The following SESN1 variants were observed in gnomAD, a reference collection of about 807,000 sequenced individuals.
The protein encoded by SESN1 is sestrin 1.
A neutral mutation model predicts 59.3 loss-of-function variants in SESN1; 30 were observed. The ratio of observed to expected loss-of-function variants is 0.51; its 90% confidence interval spans 0.38 to 0.69. The LOEUF is 0.69. SESN1 is among the 30% of genes least tolerant of loss of function. The pLI is 0.00. For missense variants in SESN1, 566 were observed against 673.0 expected, an observed-to-expected ratio of 0.84 and a Z score of 1.76; for synonymous variants, 197 against 219.9, an observed-to-expected ratio of 0.90 and a Z score of 0.92.
intron 1 of SESN1, among the ~76,000 whole-genome samples, chr6:109,017,167 C>A (rs1462342258): frequency 6.6e-6 from 1 of 152,078 alleles, no homozygotes; most frequent in Non-Finnish European, 1.5e-5. Flanking sequence ...CTCTTTAAGG[C>A]TCTATTTGGC....
intron 8 of SESN1, among the ~76,000 whole-genome samples, chr6:108,989,783 G>A (rs1779325622): frequency 6.6e-6 from 1 of 152,122 alleles, no homozygotes; most frequent in Admixed American, 6.5e-5. Flanking sequence ...CAAGATGGCT[G>A]CATGCACCAG....
In SESN1 at chr6:109,094,266, C is replaced by G. The variant is rs1781424475; in HGVS notation, c.-193G>C. 1.7e-6 allele frequency: 1 copy of G among 603,418 alleles called. No homozygotes were observed. 37.4% of individuals were successfully genotyped at this position (603,418 alleles called of 1,614,324 possible). ...ACAAGCTAGGTCACCCTCTCACCCT[C>G]TCCTTGTACACGAAAGGGCAGTCTT... On this transcript the variant is annotated 5_prime_UTR_variant, in exon 1 of 10. Coordinates refer to ENST00000436639, the MANE Select transcript of SESN1 (RefSeq NM_014454.3).
intron 1 of SESN1, among the ~76,000 whole-genome samples, chr6:109,087,930 G>A (rs891841946): frequency 1.3e-5 from 2 of 148,650 alleles, no homozygotes; most frequent in Non-Finnish European, 3.0e-5. Flanking sequence ...TCTCCTCATC[G>A]AGAAATTTTC....
chr6:109,023,137 CATCTCTCAATAT>C (rs1470054671), intron 1 of SESN1, among the ~76,000 whole-genome samples: 1 of 152,202 alleles, frequency 6.6e-6, no homozygotes, highest in East Asian at 1.9e-4. Context: ...TGTTCTATAA[CATCTCTCAATAT>C]ATCTTCTCCC....
At chr6:109,093,540 TA>T (rs1212166155) in intron 1 of SESN1, among the ~76,000 whole-genome samples, 1 of 152,148 alleles carries the variant, frequency 6.6e-6, no homozygotes, top group Non-Finnish European at 1.5e-5. Flanking sequence ...CAACAACATG[TA>T]AAAAGAAATA....
chr6:109,093,078 C>T (rs376303554), intron 1 of SESN1, among the ~76,000 whole-genome samples: 7 of 152,050 alleles, frequency 4.6e-5, no homozygotes, highest in African/African-American at 1.7e-4. Context: ...TCTAAGACAC[C>T]TTGTAATAAA....
intron 1 of SESN1, among the ~76,000 whole-genome samples, chr6:109,048,098 A>T (rs996535128): frequency 2.3e-5 from 3 of 132,518 alleles, no homozygotes; most frequent in Admixed American, 7.2e-5. Context: ...CAATAAAAAA[A>T]TAAATTAAAA....
Position 109,006,480 on chromosome 6 carries a change from G to C in SESN1, c.280-4137C>G, listed in dbSNP as rs999130721. Among the ~76,000 whole-genome samples the C allele has an allele frequency of 2.9e-5, 4 of 138,632 alleles. No individual in the cohort carries two copies. The East Asian group carries it at 6.3e-4, about 22-fold the overall frequency. The allele number at this position is 138,632 out of a possible 152,430, so 90.9% of individuals were successfully genotyped here. On this transcript the variant is annotated intron_variant, in intron 1 of 9. Coordinates refer to ENST00000436639, the MANE Select transcript of SESN1 (RefSeq NM_014454.3). ...TACCCCACGACAGGCCCCGGTGTGT[G>C]ATGTTCCCCACCCTGTGTCCAAGGA...
chr6:109,060,928 C>G (rs955061050), intron 1 of SESN1, among the ~76,000 whole-genome samples: 2 of 152,156 alleles, frequency 1.3e-5, no homozygotes, highest in Admixed American at 1.3e-4. Flanking sequence ...TTTCTATTCT[C>G]CCCTCTGAAT....
chr6:109,026,565 C>T (rs938833040), intron 1 of SESN1, among the ~76,000 whole-genome samples: 4 of 152,006 alleles, frequency 2.6e-5, no homozygotes, highest in South Asian at 2.1e-4. Context: ...GGCGCAATCT[C>T]GGCTCACTGC....
At chr6:109,089,202 A>G (rs940659628) in intron 1 of SESN1, among the ~76,000 whole-genome samples, 10 of 152,210 alleles carry the variant, frequency 6.6e-5, no homozygotes, top group Admixed American at 2.0e-4. Flanking sequence ...GAAATTGCAT[A>G]TGCACCACAG....
At chr6:108,993,779 A>G (rs1217256378) in intron 6 of SESN1, among the ~76,000 whole-genome samples, 3 of 152,066 alleles carry the variant, frequency 2.0e-5, no homozygotes, top group East Asian at 3.9e-4. Context: ...GAGTCTTGCT[A>G]TGTTGCCCCA....
intron 1 of SESN1, among the ~76,000 whole-genome samples, chr6:109,064,452 A>G (rs938322290): frequency 6.6e-6 from 1 of 150,594 alleles, no homozygotes; most frequent in Non-Finnish European, 1.5e-5. Flanking sequence ...ATAGAAAATG[A>G]TTTAGGACAG....
rs530625235 is a variant in SESN1, at chr6:108,991,755, G to A, written c.1234-920C>T. Among the ~76,000 whole-genome samples the A allele has an allele frequency of 2.0e-5, 3 of 152,138 alleles. No individual in the cohort carries two copies. The South Asian group carries it at 6.2e-4, about 32-fold the overall frequency. The stretch of plus-strand genomic sequence containing the variant: ...CTCTTTGATAGTATGCCATCACGCT[G>A]GTCAAAGCCTACAAACCCCACATAA... On this transcript the variant is annotated intron_variant, in intron 7 of 9. Transcript: ENST00000436639.
At chr6:109,051,147 AAAC>A in intron 1 of SESN1, among the ~76,000 whole-genome samples, 1 of 150,116 alleles carries the variant, frequency 6.7e-6, no homozygotes, top group Non-Finnish European at 1.5e-5. Flanking sequence ...AATCTCTTAA[AAAC>A]AAAAAAAAAC....
intron 1 of SESN1, among the ~76,000 whole-genome samples, chr6:109,031,068 G>A (rs970970353): frequency 1.3e-5 from 2 of 152,172 alleles, no homozygotes; most frequent in Admixed American, 6.5e-5. Context: ...ACCACAAACT[G>A]CAAATATCCA....
chr6:109,063,164 TGA>T (rs1375248691), intron 1 of SESN1, among the ~76,000 whole-genome samples: 5 of 152,058 alleles, frequency 3.3e-5, no homozygotes, highest in Non-Finnish European at 7.4e-5. Flanking sequence ...GCTTCTGGCC[TGA>T]GAGGGGAGCA....
In SESN1 at chr6:108,990,632, A is replaced by G. The variant is rs1779354179; in HGVS notation, c.1424+13T>C. 1.2e-6 allele frequency: 2 copies of G among 1,613,010 alleles called. No homozygotes were observed. Among genetic ancestry groups the G allele is most frequent in the Non-Finnish European group, 1.7e-6 (2 of 1,179,406 alleles). On this transcript the variant is annotated intron_variant, in intron 8 of 9. Coordinates refer to ENST00000436639, the MANE Select transcript of SESN1 (RefSeq NM_014454.3). ...GGAAAACATCTCTTTATAAACACAG[A>G]AAGAAGACTAACCTTATTCCAAACA... is the stretch of plus-strand genomic sequence containing the variant.
intron 1 of SESN1, among the ~76,000 whole-genome samples, chr6:109,083,150 G>A (rs1781154000): frequency 6.6e-6 from 1 of 152,086 alleles, no homozygotes; most frequent in African/African-American, 2.4e-5. Flanking sequence ...CATACCACAA[G>A]GGAGATAATA....
Sources: gnomAD v4.1 joint callset for allele counts (sites outside exome capture counted in the v4.1 genomes callset) on GRCh38, gnomAD v4.1.1 for gene constraint, MANE v1.5 for transcripts, NCBI Gene and HGNC (gene_info 2026-07-23, HGNC 2026-07-21) for gene names.